The following CCSER1 variants were observed in gnomAD, a reference collection of about 807,000 sequenced individuals.
CCSER1 encodes serine-rich coiled-coil domain-containing protein 1.
Under a neutral mutation model 82.0 loss-of-function variants are expected in CCSER1, and 41 were observed. The observed-to-expected ratio is 0.50, with a 90% CI of 0.39 to 0.65. CCSER1 has a LOEUF of 0.65. Among genes scored for constraint, CCSER1 ranks in the 30% least tolerant of loss-of-function variants. The pLI is 0.00. For missense variants in CCSER1, 1,119 were observed against 1,064.2 expected (o/e 1.05, Z -0.72); for synonymous variants, 414 against 383.9 (o/e 1.08, Z -0.92).
chr4:90,305,962 T>C (rs1375828140), intron 1 of CCSER1, among the ~76,000 whole-genome samples: 2 of 152,120 alleles, frequency 1.3e-5, no homozygotes, highest in African/African-American at 2.4e-5. Flanking sequence ...ATTAAGAAAA[T>C]GTGGTTTATT....
At chr4:90,242,285 C>A (rs1417817472) in intron 1 of CCSER1, among the ~76,000 whole-genome samples, 1 of 152,116 alleles carries the variant, frequency 6.6e-6, no homozygotes, top group African/African-American at 2.4e-5. Flanking sequence ...CTAGCCTGGG[C>A]TACAGAGCAA....
At chr4:91,287,181 A>G (rs1056792350) in intron 10 of CCSER1, among the ~76,000 whole-genome samples, 1 of 151,896 alleles carries the variant, frequency 6.6e-6, no homozygotes, top group Non-Finnish European at 1.5e-5. Flanking sequence ...TTCAGAATTC[A>G]TGAACACAAA....
chr4:91,411,526 A>ATATATAT (rs70965492), intron 10 of CCSER1, among the ~76,000 whole-genome samples: 8 of 129,650 alleles, frequency 6.2e-5, no homozygotes, highest in East Asian at 2.5e-4. Context: ...ATATATATAT[A>ATATATAT]AAATCTTGAC....
intron 1 of CCSER1, among the ~76,000 whole-genome samples, chr4:90,254,266 C>G (rs1722873369): frequency 6.6e-6 from 1 of 152,170 alleles, no homozygotes; most frequent in African/African-American, 2.4e-5. Flanking sequence ...TGGCTTGCCT[C>G]GTTCTCTGGG....
At chr4:91,019,878 C>T (rs2054331) in intron 9 of CCSER1, among the ~76,000 whole-genome samples, 89,319 of 151,880 alleles carry the variant, frequency 0.59, 27,018 homozygotes, top group African/African-American at 0.72. Flanking sequence ...ATTGCTATTT[C>T]TTTTTAGACT....
chr4:90,552,774 A>G (rs1470075805), intron 5 of CCSER1, among the ~76,000 whole-genome samples: 1 of 152,082 alleles, frequency 6.6e-6, no homozygotes. Context: ...AAGCTTTTCA[A>G]AGCTTTTTGC....
intron 3 of CCSER1, among the ~76,000 whole-genome samples, chr4:90,368,621 T>A (rs1746736950): frequency 6.6e-6 from 1 of 151,858 alleles, no homozygotes; most frequent in Non-Finnish European, 1.5e-5. Context: ...GACAGAGTGA[T>A]ACTCTGTCTC....
intron 1 of CCSER1, among the ~76,000 whole-genome samples, chr4:90,280,479 G>T (rs1208044018): frequency 6.6e-6 from 1 of 151,866 alleles, no homozygotes; most frequent in African/African-American, 2.4e-5. Flanking sequence ...TGGATAGTAA[G>T]GAGGAAAGGG....
At chr4:90,486,052 C>A (rs1766997920) in intron 5 of CCSER1, among the ~76,000 whole-genome samples, 1 of 152,150 alleles carries the variant, frequency 6.6e-6, no homozygotes, top group South Asian at 2.1e-4. Flanking sequence ...GGAACCTAAT[C>A]AACAATTGTA....
intron 5 of CCSER1, among the ~76,000 whole-genome samples, chr4:90,624,584 G>C (rs893752085): frequency 6.6e-6 from 1 of 152,122 alleles, no homozygotes; most frequent in East Asian, 1.9e-4. Flanking sequence ...AAGGATCCCA[G>C]GGAGAAAAGT....
intron 10 of CCSER1, among the ~76,000 whole-genome samples, chr4:91,568,706 C>G (rs1416115634): frequency 1.3e-5 from 2 of 152,090 alleles, no homozygotes; most frequent in Non-Finnish European, 2.9e-5. Flanking sequence ...CCCATTAAGT[C>G]CTTTTTATAC....
chr4:91,461,675 C>T (rs17018544), intron 10 of CCSER1, among the ~76,000 whole-genome samples: 7,206 of 152,016 alleles, frequency 0.047, 600 homozygotes, highest in African/African-American at 0.16. Context: ...TGTAGCATAC[C>T]TATTGGATTG....
At chr4:90,657,277 C>G (rs1729867878) in intron 6 of CCSER1, among the ~76,000 whole-genome samples, 1 of 151,992 alleles carries the variant, frequency 6.6e-6, no homozygotes, top group African/African-American at 2.4e-5. Flanking sequence ...CATTTTCTGG[C>G]TTTATTCAAA....
intron 10 of CCSER1, among the ~76,000 whole-genome samples, chr4:91,462,890 C>A (rs1183666030): frequency 1.3e-5 from 2 of 152,134 alleles, no homozygotes; most frequent in African/African-American, 2.4e-5. Flanking sequence ...CCCACCTCTG[C>A]TCAAGGAGGC....
chr4:91,204,355 G>A (rs561198046), intron 10 of CCSER1, among the ~76,000 whole-genome samples: 37 of 151,784 alleles, frequency 2.4e-4, no homozygotes, highest in African/African-American at 8.2e-4. Context: ...CATAAATGGC[G>A]AATGAAATTG....
chr4:90,787,338 GT>G (rs2149641682), intron 7 of CCSER1, among the ~76,000 whole-genome samples: 1 of 152,258 alleles, frequency 6.6e-6, no homozygotes, highest in Non-Finnish European at 1.5e-5. Context: ...ACAAAAGACT[GT>G]AGCAAAGGCC....
intron 4 of CCSER1, among the ~76,000 whole-genome samples, chr4:90,462,933 G>C (rs1763132618): frequency 1.3e-5 from 2 of 152,028 alleles, no homozygotes; most frequent in Admixed American, 1.3e-4. Context: ...TGGAACAATA[G>C]AACAATAAGT....
At chr4:91,517,908 G>A (rs1345022352) in intron 10 of CCSER1, among the ~76,000 whole-genome samples, 1 of 150,628 alleles carries the variant, frequency 6.6e-6, no homozygotes, top group African/African-American at 2.4e-5. Context: ...CACAGGGGGG[G>A]TATGATAGCA....
chr4:91,125,474 T>C (rs1727430418), intron 10 of CCSER1, among the ~76,000 whole-genome samples: 1 of 151,842 alleles, frequency 6.6e-6, no homozygotes, highest in East Asian at 1.9e-4. Context: ...TGAACATTCA[T>C]GTTTATAAGG....
Sources: gnomAD v4.1 joint callset for allele counts (sites outside exome capture counted in the v4.1 genomes callset) on GRCh38, gnomAD v4.1.1 for gene constraint, MANE v1.5 for transcripts, NCBI Gene and HGNC (gene_info 2026-07-23, HGNC 2026-07-21) for gene names.